The following LCMT1 variants were observed in gnomAD, a reference collection of about 807,000 sequenced individuals.
The protein encoded by LCMT1 is [Phosphatase 2A protein]-leucine-carboxy methyltransferase 1.
In LCMT1, 32 loss-of-function variants were observed where a neutral mutation model predicts 47.7. The observed-to-expected ratio is 0.67, with a 90% confidence interval of 0.51 to 0.90. The LOEUF is 0.90. LCMT1 is among the 40% of genes least tolerant of loss of function. The pLI is 0.00. For synonymous variants in LCMT1, 152 were observed against 149.7 expected (o/e 1.02, Z -0.11); for missense variants, 375 against 415.2 (o/e 0.90, Z 0.84).
chr16:25,168,818 A>C (rs768611075), intron 7 of LCMT1, among the ~76,000 whole-genome samples: 1 of 152,192 alleles, frequency 6.6e-6, no homozygotes, highest in Non-Finnish European at 1.5e-5. Flanking sequence ...ACATTCTTGC[A>C]TCTTAGCATA....
At chr16:25,113,140 CA>C (rs59940814) in intron 1 of LCMT1, among the ~76,000 whole-genome samples, 76 of 109,052 alleles carry the variant, frequency 7.0e-4, no homozygotes, top group African/African-American at 2.2e-3. Context: ...GACTATGTCT[CA>C]AAAAAAAAAA....
At chr16:25,134,529 A>G (rs796573596) in intron 3 of LCMT1, among the ~76,000 whole-genome samples, 5 of 152,254 alleles carry the variant, frequency 3.3e-5, no homozygotes, top group African/African-American at 1.2e-4. Context: ...TTTCCCCTGC[A>G]CACAGCCTCT....
At chr16:25,119,362 T>C (rs1288115601) in intron 1 of LCMT1, among the ~76,000 whole-genome samples, 1 of 152,056 alleles carries the variant, frequency 6.6e-6, no homozygotes, top group East Asian at 1.9e-4. Context: ...AAGTGCCTAG[T>C]GTTCATCTCT....
rs1247801934 is a variant in LCMT1, at chr16:25,170,607, G to C, written c.793-107G>C. ...ATCACACCACTGCACTTCAGCCTGG[G>C]CAACAGAATGAGACCTTGTCTCTTT... is the stretch of plus-strand genomic sequence containing the variant. On this transcript the variant is annotated intron_variant, in intron 8 of 10. Coordinates refer to ENST00000399069, the MANE Select transcript of LCMT1 (RefSeq NM_016309.3). The C allele has an allele frequency of 4.6e-6, 4 of 866,920 alleles. No individual in the cohort carries two copies. The East Asian group carries it at 1.0e-4, about 22-fold the overall frequency. 53.7% of individuals were successfully genotyped at this position (866,920 alleles called of 1,614,324 possible). A position where few individuals can be genotyped will look rare whatever the true frequency, so the allele number is the denominator to read the frequency against.
Position 25,132,449 on chromosome 16 carries a change from C to T in LCMT1, c.253C>T (p.Leu85=). Reference sequence around the variant, plus strand: ...TGTCAGTCAGCTTATAAAGGCATTTCTACGGAAGACAGAATGTCATTGTCA... The same window carrying T: ...TGTCAGTCAGCTTATAAAGGCATTTTTACGGAAGACAGAATGTCATTGTCA... The part of the protein sequence containing the change: ...HGVSQLIKAF[L]RKTECHCQIV... The change falls in exon 3 of 11, where the codon CTA becomes TTA. Residue 85 remains leucine, a synonymous_variant. Coordinates refer to ENST00000399069, the MANE Select transcript of LCMT1 (RefSeq NM_016309.3). 6.2e-7 allele frequency: 1 copy of T among 1,613,868 alleles called. No individual in the cohort carries two copies. Among genetic ancestry groups the T allele is most frequent in the Non-Finnish European group, 8.5e-7 (1 of 1,179,840 alleles).
At chr16:25,173,958 C>T (rs1334466735) in intron 9 of LCMT1, among the ~76,000 whole-genome samples, 3 of 152,216 alleles carry the variant, frequency 2.0e-5, no homozygotes, top group African/African-American at 4.8e-5. Flanking sequence ...GTCACCAAGG[C>T]TGGAGTACAG....
At chr16:25,164,211 A>C (rs1961518370) in intron 6 of LCMT1, among the ~76,000 whole-genome samples, 1 of 152,124 alleles carries the variant, frequency 6.6e-6, no homozygotes, top group Admixed American at 6.6e-5. Context: ...TGTCCTGTTG[A>C]CCAAAGCAAA....
chr16:25,143,502 T>C (rs1174590549), intron 4 of LCMT1: 1 of 152,204 alleles, frequency 6.6e-6, no homozygotes, highest in Non-Finnish European at 1.5e-5. Context: ...TTACTTCCTT[T>C]AGTGAAGGTT....
chr16:25,170,707 A>G lies in LCMT1; in HGVS notation c.793-7A>G, dbSNP rs1249534889. The G allele has an allele frequency of 1.4e-5, 22 of 1,610,984 alleles. No homozygotes were observed. Among genetic ancestry groups the G allele is most frequent in the Non-Finnish European group, 1.9e-5 (22 of 1,177,734 alleles). ...AGTTCTCCATTTCTCTTCGTTGCAC[A>G]TTTTAGAAAGAACGGCTCCTGTCGA... On this transcript the variant is annotated splice_region_variant and splice_polypyrimidine_tract_variant and intron_variant, in intron 8 of 10. Transcript: ENST00000399069.
intron 2 of LCMT1, among the ~76,000 whole-genome samples, chr16:25,131,805 G>A (rs1960355855): frequency 6.6e-6 from 1 of 152,174 alleles, no homozygotes; most frequent in African/African-American, 2.4e-5. Flanking sequence ...CTCCCAAGAA[G>A]CTGGGATTAC....
chr16:25,155,673 TTTC>T (rs1961231737), intron 5 of LCMT1, among the ~76,000 whole-genome samples: 1 of 137,234 alleles, frequency 7.3e-6, no homozygotes, highest in African/African-American at 2.7e-5. Flanking sequence ...TCTTTCTTTC[TTTC>T]TTTTTTTTTT....
At chr16:25,172,165 G>A (rs1431323792) in intron 9 of LCMT1, among the ~76,000 whole-genome samples, 1 of 152,000 alleles carries the variant, frequency 6.6e-6, no homozygotes, top group Non-Finnish European at 1.5e-5. Flanking sequence ...AAATTAGCTG[G>A]GCATGGTGGC....
At chr16:25,158,628 C>T (rs1961332431) in intron 5 of LCMT1, among the ~76,000 whole-genome samples, 1 of 152,188 alleles carries the variant, frequency 6.6e-6, no homozygotes, top group Non-Finnish European at 1.5e-5. Context: ...GGCCTCTTGC[C>T]AGTGCTAGAT....
intron 1 of LCMT1, among the ~76,000 whole-genome samples, chr16:25,115,904 C>T (rs1245402990): frequency 1.3e-5 from 2 of 152,324 alleles, no homozygotes; most frequent in Admixed American, 1.3e-4. Context: ...TCTCGAATGC[C>T]TGACCTCAGG....
chr16:25,140,021 G>C (rs1960632686), intron 3 of LCMT1, 150 bp from the exon 4 acceptor site: 9 of 618,854 alleles, frequency 1.5e-5, no homozygotes, highest in Non-Finnish European at 2.6e-5. Context: ...CTATTCTTGA[G>C]TAATTCGAAA....
At chr16:25,135,373 A>G (rs1960475733) in intron 3 of LCMT1, among the ~76,000 whole-genome samples, 1 of 152,036 alleles carries the variant, frequency 6.6e-6, no homozygotes, top group South Asian at 2.1e-4. Flanking sequence ...TCTGGCCCAC[A>G]GCCTGTTTTT....
At chr16:25,131,823 C>T (rs1960356332) in intron 2 of LCMT1, among the ~76,000 whole-genome samples, 1 of 152,174 alleles carries the variant, frequency 6.6e-6, no homozygotes, top group African/African-American at 2.4e-5. Flanking sequence ...TACAGTTGTG[C>T]ACCACCATGC....
chr16:25,174,562 A>G (rs1961871224), intron 9 of LCMT1, among the ~76,000 whole-genome samples: 1 of 152,220 alleles, frequency 6.6e-6, no homozygotes, highest in Admixed American at 6.5e-5. Context: ...CCCCATTTTT[A>G]AAAATGGCTG....
At chr16:25,132,317 GC>G in intron 2 of LCMT1, 84 bp from the exon 3 acceptor site, 2 of 1,509,070 alleles carry the variant, frequency 1.3e-6, no homozygotes, top group Non-Finnish European at 1.8e-6. Context: ...TCTCTGTTTT[GC>G]TCTTCTCCTG....
Sources: allele counts gnomAD v4.1 joint callset (sites outside exome capture counted in the v4.1 genomes callset), GRCh38; gene constraint gnomAD v4.1.1; transcripts MANE v1.5; gene names NCBI Gene and HGNC (gene_info 2026-07-23, HGNC 2026-07-21).